Variants in AKAP12 observed in about 807,000 individuals in gnomAD.
AKAP12 encodes A-kinase anchor protein 12.
AKAP12 carries 32 observed loss-of-function variants against 79.9 expected under a neutral mutation model. The observed-to-expected ratio is 0.40, with a 90% CI of 0.30 to 0.54. The LOEUF (loss-of-function observed/expected upper bound fraction) is 0.54, where lower values mean the gene tolerates loss of function less well. Ranked by LOEUF, AKAP12 falls within the 20% of genes least tolerant of loss-of-function variation. The probability of loss-of-function intolerance (pLI) is 0.48; values close to 1 mark genes in which losing one functional copy is unlikely to be tolerated. For synonymous variants in AKAP12, 808 were observed against 857.0 expected (o/e 0.94, Z 1.00); for missense variants, 2,074 against 2,177.0 (o/e 0.95, Z 0.94).
intron 3 of AKAP12, among the ~76,000 whole-genome samples, chr6:151,346,917 C>T (rs569262553): frequency 1.3e-5 from 2 of 152,198 alleles, no homozygotes; most frequent in Admixed American, 1.3e-4. Context: ...AAGAAGCGCT[C>T]CCTTCTCCTC....
At chr6:151,271,612 A>G (rs913974620) in intron 2 of AKAP12, among the ~76,000 whole-genome samples, 1 of 151,826 alleles carries the variant, frequency 6.6e-6, no homozygotes, top group Non-Finnish European at 1.5e-5. Context: ...GCGAGCCACT[A>G]CACGCCCCCA....
chr6:151,324,419 C>T (rs1412809960), intron 3 of AKAP12: 6 of 985,314 alleles, frequency 6.1e-6, no homozygotes, highest in Non-Finnish European at 7.2e-6. Context: ...ATCGCGCCCC[C>T]TGGTGCCCAA....
chr6:151,350,902 C>T lies in AKAP12; in HGVS notation c.2511C>T (p.Asn837=), dbSNP rs142845224. Residue 837 remains asparagine (N), a synonymous_variant, in exon 4 of 5, where the codon AAC becomes AAT. Coordinates refer to ENST00000402676, the MANE Select transcript of AKAP12 (RefSeq NM_005100.4). This position sits in a 1 kb window ranked among gnomAD's most constrained non-coding sequence, Gnocchi z 4.8. ...PVEDAGPTGA[N]EDDSDVPAVV... Reference sequence around the variant, plus strand: ...AAGACGCAGGGCCAACAGGGGCCAACGAAGATGACTCTGATGTCCCGGCCG... The same window carrying T: ...AAGACGCAGGGCCAACAGGGGCCAATGAAGATGACTCTGATGTCCCGGCCG... The T allele has an allele frequency of 1.7e-5, 27 of 1,613,940 alleles. No individual in the cohort carries two copies. Among genetic ancestry groups the T allele is most frequent in the African/African-American group, 5.3e-5 (4 of 74,868 alleles).
chr6:151,286,196 C>A (rs1376095756), intron 2 of AKAP12, among the ~76,000 whole-genome samples: 1 of 152,138 alleles, frequency 6.6e-6, no homozygotes, highest in Non-Finnish European at 1.5e-5. Flanking sequence ...AAGGCAACAG[C>A]AATTTGAGAG....
At chr6:151,322,197 C>T (rs371986535) in intron 3 of AKAP12, among the ~76,000 whole-genome samples, 18 of 152,056 alleles carry the variant, frequency 1.2e-4, no homozygotes, top group South Asian at 8.3e-4. Flanking sequence ...TGTGAGCCAC[C>T]GCGCCCAACC....
intron 2 of AKAP12, among the ~76,000 whole-genome samples, chr6:151,278,457 C>T (rs922661858): frequency 2.0e-5 from 3 of 152,124 alleles, no homozygotes; most frequent in African/African-American, 7.2e-5. Flanking sequence ...CTCAGGTGAT[C>T]CTCCCTCCTT....
chr6:151,320,719 C>T (rs1162719526), intron 3 of AKAP12, among the ~76,000 whole-genome samples: 3 of 152,174 alleles, frequency 2.0e-5, no homozygotes, highest in Non-Finnish European at 4.4e-5. Context: ...TCAGTCTCTT[C>T]CTCCCGTCAT....
chr6:151,348,817 A>G lies in AKAP12; in HGVS notation c.426A>G (p.Thr142=). 6.2e-7 allele frequency: 1 copy of G among 1,614,124 alleles called. No homozygotes were observed. The highest frequency in any genetic ancestry group is 1.3e-5 in the African/African-American group (1 of 75,026). The change falls in exon 4 of 5, where the codon ACA becomes ACG. Residue 142 remains threonine, a synonymous_variant. Coordinates refer to ENST00000402676, the MANE Select transcript of AKAP12 (RefSeq NM_005100.4). The part of the protein sequence containing the change: ...HDITDDGQEE[T]PEIIEQIPSS... ...TCACAGATGATGGGCAGGAGGAGAC[A>G]CCCGAAATAATCGAACAGATTCCTT...
At chr6:151,258,703 T>A (rs2114694604) in intron 2 of AKAP12, among the ~76,000 whole-genome samples, 1 of 152,202 alleles carries the variant, frequency 6.6e-6, no homozygotes, top group Middle Eastern at 3.4e-3. Context: ...TGGAGTGCAG[T>A]GGCACTATCT....
chr6:151,273,218 T>G (rs12526775), intron 2 of AKAP12, among the ~76,000 whole-genome samples: 1 of 152,304 alleles, frequency 6.6e-6, no homozygotes, highest in East Asian at 1.9e-4. Context: ...AGGCTGGACA[T>G]TCTTAGCAAG....
At position 151,348,914 on chromosome 6, in the gene AKAP12, G is replaced by A. The variant is rs747123553; in HGVS notation, c.523G>A (p.Val175Met). The change falls in exon 4 of 5, where the codon GTG becomes ATG. Residue 175 changes from valine (V) to methionine (M), a missense_variant. By Grantham distance (21) the Val-to-Met change is conservative. This residue lies in a region of AKAP12 where 1,428 missense variants were observed against 1,451.0 expected (regional missense o/e 0.98). Coordinates refer to ENST00000402676, the MANE Select transcript of AKAP12 (RefSeq NM_005100.4). ...SQANDIGFKKVFKFVGFKFTV... is the reference protein window; with the variant it reads ...SQANDIGFKKMFKFVGFKFTV... ...GGCTAATGATATTGGATTTAAGAAG[G>A]TGTTTAAGTTTGTTGGCTTTAAATT... is the stretch of plus-strand genomic sequence containing the variant. The A allele has an allele frequency of 1.2e-6, 2 of 1,614,048 alleles. No individual in the cohort carries two copies.
chr6:151,347,916 A>T (rs1778144072), intron 3 of AKAP12, among the ~76,000 whole-genome samples: 1 of 152,000 alleles, frequency 6.6e-6, no homozygotes. Context: ...TCACGCCTGT[A>T]ATCCCAGCAC....
intron 2 of AKAP12, among the ~76,000 whole-genome samples, chr6:151,252,090 C>T (rs560565436): frequency 6.6e-6 from 1 of 152,296 alleles, no homozygotes; most frequent in East Asian, 1.9e-4. Context: ...GAACTCAAAG[C>T]ATTTCTCTAA....
chr6:151,269,426 T>C (rs1776130047), intron 2 of AKAP12, among the ~76,000 whole-genome samples: 1 of 152,220 alleles, frequency 6.6e-6, no homozygotes, highest in Admixed American at 6.5e-5. Context: ...TCATAGAACT[T>C]GCCAAGACAT....
At chr6:151,244,374 A>T (rs1364862917) in intron 2 of AKAP12, among the ~76,000 whole-genome samples, 1 of 152,118 alleles carries the variant, frequency 6.6e-6, no homozygotes, top group Non-Finnish European at 1.5e-5. Flanking sequence ...AATACAAAAA[A>T]TTAGCCAGGC....
At chr6:151,325,590 C>G (rs1777501645) in intron 3 of AKAP12, 1 of 1,342,656 alleles carries the variant, frequency 7.4e-7, no homozygotes, top group South Asian at 1.7e-5. Context: ...AAGGGAGGGG[C>G]CAGCGCCAGC....
intron 2 of AKAP12, among the ~76,000 whole-genome samples, chr6:151,278,814 C>T (rs1304827748): frequency 1.3e-5 from 2 of 152,000 alleles, no homozygotes; most frequent in Non-Finnish European, 2.9e-5. Flanking sequence ...AGTACAGGCA[C>T]CTGCCACCAT....
intron 2 of AKAP12, among the ~76,000 whole-genome samples, chr6:151,274,076 CTTT>C (rs377032584): frequency 1.5e-5 from 2 of 137,860 alleles, no homozygotes; most frequent in Admixed American, 7.3e-5. Context: ...TCCCTCAGTT[CTTT>C]TTTTTTTTTT....
intron 2 of AKAP12, among the ~76,000 whole-genome samples, chr6:151,288,225 A>G (rs1776545316): frequency 6.6e-6 from 1 of 151,426 alleles, no homozygotes; most frequent in African/African-American, 2.4e-5. Flanking sequence ...AAAAAAAAAA[A>G]GAATTATGGC....
Sources: gnomAD v4.1 joint callset for allele counts (sites outside exome capture counted in the v4.1 genomes callset) on GRCh38, gnomAD v4.1.1 for gene constraint, gnomAD v4.1.1 regional missense constraint, Gnocchi (gnomAD v3.1) non-coding constraint, MANE v1.5 for transcripts, NCBI Gene and HGNC (gene_info 2026-07-23, HGNC 2026-07-21) for gene names.